Variants in LARP4 observed in about 807,000 individuals in gnomAD.
LARP4 encodes the protein la-related protein 4.
A neutral mutation model predicts 92.9 loss-of-function variants in LARP4; 29 were observed. That is an observed-to-expected ratio of 0.31 (90% CI 0.23 to 0.43). The LOEUF (loss-of-function observed/expected upper bound fraction) is 0.43, where lower values mean the gene tolerates loss of function less well. Ranked by LOEUF, LARP4 falls within the 20% of genes least tolerant of loss-of-function variation. The pLI is 1.00. For missense variants in LARP4, 732 were observed against 860.0 expected (o/e 0.85, Z 1.86); for synonymous variants, 279 against 284.1 (o/e 0.98, Z 0.18).
In LARP4 at chr12:50,461,231, A is replaced by C. The variant is rs755619174; in HGVS notation, c.1218A>C (p.Arg406Ser). ...GACAGTTGAACAGATATAGTTCAAG[A>C]AACTTTCCAGCTGAACGGCATAACC... ...GDGQLNRYSSRNFPAERHNPT... is the reference protein window; with the variant it reads ...GDGQLNRYSSSNFPAERHNPT... The change falls in exon 11 of 16, where the codon AGA becomes AGC. Residue 406 changes from arginine (R) to serine (S), a missense_variant. Physicochemically the swap from Arg to Ser is moderately radical, Grantham distance 110. Coordinates refer to ENST00000398473, the MANE Select transcript of LARP4 (RefSeq NM_052879.5). The C allele has an allele frequency of 1.2e-6, 2 of 1,614,048 alleles. No homozygotes were observed. Among genetic ancestry groups the C allele is most frequent in the Non-Finnish European group, 1.7e-6 (2 of 1,180,040 alleles).
chr12:50,424,178 G>T (rs2136918870), intron 1 of LARP4, among the ~76,000 whole-genome samples: 1 of 152,234 alleles, frequency 6.6e-6, no homozygotes, highest in East Asian at 1.9e-4. Context: ...AGACTAGCCT[G>T]GGCAACATAA....
chr12:50,425,156 GA>G (rs538352090), intron 1 of LARP4, among the ~76,000 whole-genome samples: 8 of 147,092 alleles, frequency 5.4e-5, no homozygotes, highest in East Asian at 4.0e-4. Context: ...CAAAAAGGAA[GA>G]AAAAAAAAAC....
At chr12:50,435,212 T>A (rs1303013788) in intron 4 of LARP4, among the ~76,000 whole-genome samples, 1 of 152,248 alleles carries the variant, frequency 6.6e-6, no homozygotes, top group African/African-American at 2.4e-5. Flanking sequence ...TAAACCTCTT[T>A]ATGTATCAGT....
intron 1 of LARP4, among the ~76,000 whole-genome samples, chr12:50,410,392 A>G (rs992096819): frequency 2.0e-5 from 3 of 150,228 alleles, no homozygotes; most frequent in Non-Finnish European, 4.4e-5. Context: ...ACGTCTATTA[A>G]TACAGGATTC....
At chr12:50,462,835 T>C (rs945278124) in intron 12 of LARP4, among the ~76,000 whole-genome samples, 2 of 152,192 alleles carry the variant, frequency 1.3e-5, no homozygotes, top group African/African-American at 4.8e-5. Flanking sequence ...GGAGCTTCGC[T>C]TGTGTTGCTT....
intron 1 of LARP4, among the ~76,000 whole-genome samples, chr12:50,426,690 T>G (rs1040190617): frequency 1.4e-3 from 140 of 99,686 alleles, no homozygotes; most frequent in African/African-American, 8.6e-3. Context: ...TTGGGGTGTG[T>G]GTGTGTGTGT....
intron 1 of LARP4, among the ~76,000 whole-genome samples, chr12:50,407,068 C>T (rs915178802): frequency 6.6e-6 from 1 of 151,654 alleles, no homozygotes; most frequent in Non-Finnish European, 1.5e-5. Flanking sequence ...CTCTGTCGCC[C>T]AGGCTGGAGT....
At chr12:50,455,872 C>T (rs1235721610) in intron 10 of LARP4, among the ~76,000 whole-genome samples, 1 of 152,082 alleles carries the variant, frequency 6.6e-6, no homozygotes, top group African/African-American at 2.4e-5. Context: ...TATGACGAAA[C>T]ATCATCTCTA....
intron 1 of LARP4, among the ~76,000 whole-genome samples, chr12:50,417,321 G>T (rs1175860115): frequency 3.3e-5 from 5 of 150,636 alleles, no homozygotes; most frequent in Admixed American, 1.3e-4. Context: ...GATGCAGTGA[G>T]CCGAGATCGT....
intron 2 of LARP4, 82 bp downstream of exon 2, chr12:50,427,991 C>CTAT: frequency 3.6e-5 from 15 of 413,416 alleles, no homozygotes; most frequent in African/African-American, 7.4e-5. Flanking sequence ...TGAGACACAT[C>CTAT]TCTTTTTTTT....
At chr12:50,408,281 TC>T (rs1264137297) in intron 1 of LARP4, among the ~76,000 whole-genome samples, 2 of 127,740 alleles carry the variant, frequency 1.6e-5, no homozygotes, top group Non-Finnish European at 3.2e-5. Context: ...CACTGCAACC[TC>T]CGCCTCCCGG....
chr12:50,451,561 G>A (rs1446393462), intron 8 of LARP4, among the ~76,000 whole-genome samples: 4 of 152,084 alleles, frequency 2.6e-5, no homozygotes, highest in East Asian at 3.9e-4. Context: ...AAGGCCAGGC[G>A]CGGTGGCTCA....
At chr12:50,436,172 A>ATG (rs1454272544) in intron 5 of LARP4, among the ~76,000 whole-genome samples, 2 of 36,506 alleles carry the variant, frequency 5.5e-5, no homozygotes, top group Admixed American at 3.1e-4. Flanking sequence ...GTGTGTGTGT[A>ATG]TGTATATATA....
intron 4 of LARP4, among the ~76,000 whole-genome samples, chr12:50,432,860 CAAAAAAAA>C (rs10660517): frequency 8.0e-6 from 1 of 124,416 alleles, no homozygotes; most frequent in South Asian, 2.5e-4. Flanking sequence ...GACTTCGTTT[CAAAAAAAA>C]AAAAAAAAAG....
At chr12:50,431,646 A>C (rs919628632) in intron 4 of LARP4, among the ~76,000 whole-genome samples, 6 of 152,088 alleles carry the variant, frequency 3.9e-5, no homozygotes. Flanking sequence ...GGGGTTCAAG[A>C]ACAGGCTTGC....
intron 1 of LARP4, among the ~76,000 whole-genome samples, chr12:50,414,304 T>C (rs1443614909): frequency 1.3e-5 from 2 of 152,114 alleles, no homozygotes; most frequent in Non-Finnish European, 2.9e-5. Flanking sequence ...TTTGTTGTTG[T>C]TGTTGTTGTG....
Position 50,479,791 on chromosome 12 carries a change from G to T in LARP4, c.*3927G>T, listed in dbSNP as rs1035431203. On this transcript the variant is annotated 3_prime_UTR_variant, in exon 16 of 16. Transcript: ENST00000398473. ...CCTTTGCATCTCTTAAATGTTGGGGGTGGGGGTCAGAGCCAGTTATCCGGC... is the reference window on the plus strand; with the variant it reads ...CCTTTGCATCTCTTAAATGTTGGGGTTGGGGGTCAGAGCCAGTTATCCGGC... The T allele has an allele frequency of 6.6e-6, 1 of 152,036 alleles. No individual in the cohort carries two copies. The highest frequency in any genetic ancestry group is 1.5e-5 in the Non-Finnish European group (1 of 68,016). 9.4% of individuals were successfully genotyped at this position (152,036 alleles called of 1,614,324 possible).
At chr12:50,404,045 G>A (rs1286271545) in intron 1 of LARP4, among the ~76,000 whole-genome samples, 1 of 152,034 alleles carries the variant, frequency 6.6e-6, no homozygotes, top group Admixed American at 6.6e-5. Context: ...TGGCCAACAT[G>A]GTGAAACCCC....
At chr12:50,437,448 C>G (rs1219795076) in intron 5 of LARP4, among the ~76,000 whole-genome samples, 1 of 151,840 alleles carries the variant, frequency 6.6e-6, no homozygotes, top group Non-Finnish European at 1.5e-5. Flanking sequence ...AGAAATTTGC[C>G]TTATTAGATA....
Sources: allele counts gnomAD v4.1 joint callset (sites outside exome capture counted in the v4.1 genomes callset), GRCh38; gene constraint gnomAD v4.1.1; transcripts MANE v1.5; gene names NCBI Gene and HGNC (gene_info 2026-07-23, HGNC 2026-07-21).